IFT140: variants seen among roughly 807,000 people sequenced by gnomAD.
IFT140 encodes the protein intraflagellar transport 140.
A neutral mutation model predicts 164.6 loss-of-function variants in IFT140; 133 were observed. That is an observed-to-expected ratio of 0.81 (90% CI 0.70 to 0.93). The LOEUF (loss-of-function observed/expected upper bound fraction) is 0.93, where lower values mean the gene tolerates loss of function less well. Among genes scored for constraint, IFT140 ranks in the 40% least tolerant of loss-of-function variants. The probability of loss-of-function intolerance (pLI) is 0.00; values close to 1 mark genes in which losing one functional copy is unlikely to be tolerated. For synonymous variants in IFT140, 860 were observed against 817.3 expected (o/e 1.05, Z -0.89); for missense variants, 2,045 against 1,972.3 (o/e 1.04, Z -0.70).
chr16:1,588,551 T>C (rs1803920337), intron 7 of IFT140, among the ~76,000 whole-genome samples: 1 of 151,558 alleles, frequency 6.6e-6, no homozygotes, highest in South Asian at 2.1e-4. Context: ...ATAATAATAG[T>C]AATAATGGCT....
chr16:1,566,114 C>T, intron 16 of IFT140, 47 bp downstream of exon 16: 1 of 1,598,288 alleles, frequency 6.3e-7, no homozygotes, highest in Admixed American at 1.7e-5. Flanking sequence ...CGAGAAGTAA[C>T]TGAACATCAT....
chr16:1,588,527 A>T (rs866573672), intron 7 of IFT140, among the ~76,000 whole-genome samples: 1 of 145,432 alleles, frequency 6.9e-6, no homozygotes, highest in Non-Finnish European at 1.5e-5. Flanking sequence ...TCCGTCTCAA[A>T]AATAATAATA....
chr16:1,581,080 G>A (rs1180449503), intron 12 of IFT140, among the ~76,000 whole-genome samples: 1 of 152,200 alleles, frequency 6.6e-6, no homozygotes, highest in Non-Finnish European at 1.5e-5. Context: ...CTGATGTGGA[G>A]ACTCCATGCT....
intron 13 of IFT140, 61 bp from the exon 14 acceptor site, chr16:1,571,595 A>G: frequency 6.5e-7 from 1 of 1,527,090 alleles, no homozygotes; most frequent in Non-Finnish European, 9.0e-7. Flanking sequence ...TTGTTCACAG[A>G]TAACCTTGTA....
At chr16:1,590,636 C>T (rs1472961514) in intron 6 of IFT140, among the ~76,000 whole-genome samples, 1 of 152,236 alleles carries the variant, frequency 6.6e-6, no homozygotes, top group Non-Finnish European at 1.5e-5. Context: ...GCCACTCTGT[C>T]TGCAGGCCCT....
intron 19 of IFT140, among the ~76,000 whole-genome samples, chr16:1,530,131 A>ATTTTTTTTT (rs2030295926): frequency 7.9e-6 from 1 of 126,538 alleles, no homozygotes; most frequent in African/African-American, 3.7e-5. Flanking sequence ...CACGACGGGA[A>ATTTTTTTTT]TCTTTTTTTT....
chr16:1,521,365 T>G (rs1243822404), intron 26 of IFT140, among the ~76,000 whole-genome samples: 1 of 150,996 alleles, frequency 6.6e-6, no homozygotes, highest in Non-Finnish European at 1.5e-5. Context: ...CGTGCCGGCC[T>G]GATTTTCCTA....
chr16:1,565,640 G>A (rs548503577), intron 16 of IFT140, among the ~76,000 whole-genome samples: 12 of 152,340 alleles, frequency 7.9e-5, no homozygotes, highest in Non-Finnish European at 1.2e-4. Flanking sequence ...CAGGCTGGGC[G>A]GGCTCAGCTC....
At position 1,587,223 on chromosome 16, in the gene IFT140, G is replaced by C; in HGVS notation, c.984C>G (p.Asn328Lys). Residue 328 changes from asparagine (N) to lysine (K), a missense_variant, in exon 9 of 31, where the codon AAC (asparagine) becomes AAG (lysine). Physicochemically the swap from Asn to Lys is moderately conservative, Grantham distance 94. Transcript: ENST00000426508. The stretch of plus-strand genomic sequence containing the variant: ...CTTTGACTTTACAGTAACACACACA[G>C]TTCATATTCTCTCCTTTCTCAAAGC... ...KFGFEKGENM[N>K]CVCYCKVKGL... 2.5e-6 allele frequency: 4 copies of C among 1,610,832 alleles called. No homozygotes were observed. Among genetic ancestry groups the C allele is most frequent in the Non-Finnish European group, 3.4e-6 (4 of 1,177,024 alleles).
chr16:1,524,965 C>G (rs1275572633), intron 22 of IFT140, 49 bp from the exon 23 acceptor site: 11 of 1,569,544 alleles, frequency 7.0e-6, no homozygotes, highest in Non-Finnish European at 9.5e-6. Flanking sequence ...CCCGCTCCAA[C>G]CCGGGACGGC....
intron 14 of IFT140, among the ~76,000 whole-genome samples, chr16:1,570,511 T>G (rs993395089): frequency 6.6e-6 from 1 of 152,162 alleles, no homozygotes; most frequent in East Asian, 1.9e-4. Flanking sequence ...CCAATTCCAG[T>G]GCACACGCAT....
rs2141170386 is a variant in IFT140 at position 1,524,576 on chromosome 16, G to A, written c.3117C>T (p.Phe1039=). The change falls in exon 24 of 31, where the codon TTC becomes TTT. Residue 1039 remains phenylalanine (F), a synonymous_variant. Coordinates refer to ENST00000426508, the MANE Select transcript of IFT140 (RefSeq NM_014714.4). ...AVHFYTRAQA[F]KNAIRLCKEN... is the part of the protein sequence containing the mutation. ...CCTTGCACAGGCGGATGGCATTCTT[G>A]AAGGCCTGTGCCCGGGTGTAGAAGT... is the stretch of plus-strand genomic sequence containing the variant. 1 of 1,611,374 alleles carries A rather than the reference G, an allele frequency of 6.2e-7. No individual in the cohort carries two copies.
At chr16:1,578,779 A>G (rs1236943240) in intron 13 of IFT140, among the ~76,000 whole-genome samples, 7 of 152,140 alleles carry the variant, frequency 4.6e-5, no homozygotes, top group Non-Finnish European at 2.9e-5. Flanking sequence ...TGGTGCAATC[A>G]TAGCTTACCG....
rs1451113678 is a variant in IFT140, at chr16:1,551,016, A to G, written c.2399+6919T>C. ...GTAGCGGCATCTACGTGATCTGGCC[A>G]AAGGGCTCTGTCCCTTTGAGGGGTC... On this transcript the variant is annotated intron_variant, in intron 19 of 30. Coordinates refer to ENST00000426508, the MANE Select transcript of IFT140 (RefSeq NM_014714.4). This position sits in a 1 kb window ranked among gnomAD's most constrained non-coding sequence, Gnocchi z 4.0. Among the ~76,000 whole-genome samples the G allele has an allele frequency of 6.6e-6, 1 of 152,166 alleles. No homozygotes were observed. Among genetic ancestry groups the G allele is most frequent in the African/African-American group, 2.4e-5 (1 of 41,454 alleles).
Position 1,602,497 on chromosome 16 carries a change from T to G in IFT140, c.242A>C (p.Glu81Ala), listed in dbSNP as rs758369267. The change falls in exon 4 of 31, where the codon GAG becomes GCG. Residue 81 changes from glutamate to alanine, a missense_variant. Glu to Ala is a moderately radical substitution (Grantham distance 107, BLOSUM62 -1). Coordinates refer to ENST00000426508, the MANE Select transcript of IFT140 (RefSeq NM_014714.4). Reference protein sequence around the residue: ...PTRLVLAVGWETGEVTVFNKQ... With the variant: ...PTRLVLAVGWATGEVTVFNKQ... ...GTTAAACACCGTCACTTCTCCAGTC[T>G]CCCAGCCCACAGCCAGCACCAGCCG... 2 of 1,614,092 alleles carry G rather than the reference T, an allele frequency of 1.2e-6. No individual in the cohort carries two copies. Among genetic ancestry groups the G allele is most frequent in the East Asian group, 4.5e-5 (2 of 44,870 alleles).
At chr16:1,568,185 GGAGTGGGC>G in intron 15 of IFT140, 24 bp downstream of exon 15, 1 of 1,479,332 alleles carries the variant, frequency 6.8e-7, no homozygotes, top group Admixed American at 1.9e-5. Context: ...GTGAGGAGGC[GGAGTGGGC>G]GAGTGGACGA....
rs371572040 is a variant in IFT140, at chr16:1,523,837, C to T, written c.3261G>A (p.Leu1087=). The change falls in exon 25 of 31, where the codon CTG becomes CTA. Residue 1087 remains leucine (L), a synonymous_variant. Transcript: ENST00000426508. ...KGVQMDRAVM[L]YHKAGHFSKA... ...GGTGGCCAGCCCTCACCTTGTGGTA[C>T]AGCATGACCGCCCTGTCCATCTGCA... 6 of 1,613,054 alleles carry T rather than the reference C, an allele frequency of 3.7e-6. No individual in the cohort carries two copies. The highest frequency in any genetic ancestry group is 3.3e-5 in the South Asian group (3 of 91,074).
At chr16:1,582,299 G>GAGGC (rs1360238104) in intron 12 of IFT140, among the ~76,000 whole-genome samples, 1 of 152,300 alleles carries the variant, frequency 6.6e-6, no homozygotes, top group South Asian at 2.1e-4. Context: ...AAGAGGGAGG[G>GAGGC]AGGCAGATTT....
intron 19 of IFT140, among the ~76,000 whole-genome samples, chr16:1,537,878 G>A (rs1240743344): frequency 1.3e-5 from 2 of 152,136 alleles, no homozygotes; most frequent in Non-Finnish European, 2.9e-5. Flanking sequence ...CGCATGCCCC[G>A]CCACACATCA....
Sources: gnomAD v4.1 joint callset for allele counts (sites outside exome capture counted in the v4.1 genomes callset) on GRCh38, gnomAD v4.1.1 for gene constraint, Gnocchi (gnomAD v3.1) non-coding constraint, MANE v1.5 for transcripts, NCBI Gene and HGNC (gene_info 2026-07-23, HGNC 2026-07-21) for gene names.